SESTD1: variants seen among roughly 807,000 people sequenced by gnomAD.
The protein encoded by SESTD1 is SEC14 domain and spectrin repeat-containing protein 1.
SESTD1 carries 43 observed loss-of-function variants against 101.7 expected under a neutral mutation model. The observed-to-expected ratio is 0.42, with a 90% CI of 0.33 to 0.55. The LOEUF is 0.55. Among genes scored for constraint, SESTD1 ranks in the 20% least tolerant of loss-of-function variants. SESTD1 has a pLI of 0.07. For missense variants in SESTD1, 647 were observed against 815.1 expected, an observed-to-expected ratio of 0.79 and a Z score of 2.51; for synonymous variants, 283 against 286.8, an observed-to-expected ratio of 0.99 and a Z score of 0.13.
intron 1 of SESTD1, among the ~76,000 whole-genome samples, chr2:179,227,847 G>C (rs1009310388): frequency 6.6e-6 from 1 of 152,102 alleles, no homozygotes; most frequent in Non-Finnish European, 1.5e-5. Context: ...GATCAAATGT[G>C]AACTCTGCCG....
intron 5 of SESTD1, among the ~76,000 whole-genome samples, chr2:179,155,512 C>A (rs1301677072): frequency 6.6e-6 from 1 of 151,988 alleles, no homozygotes; most frequent in Non-Finnish European, 1.5e-5. Context: ...ACGATTTGGG[C>A]AGCCAAGGTA....
intron 1 of SESTD1, among the ~76,000 whole-genome samples, chr2:179,219,290 G>C (rs1199600446): frequency 6.6e-6 from 1 of 152,144 alleles, no homozygotes; most frequent in East Asian, 1.9e-4. Context: ...ATGTGAGTGG[G>C]TACACTAGAA....
Position 179,205,824 on chromosome 2 carries a change from C to G in SESTD1, c.-25-13958G>C, listed in dbSNP as rs1375332224. Among the ~76,000 whole-genome samples the G allele has an allele frequency of 1.7e-5, 2 of 120,862 alleles. 1 individual carries two copies. Among genetic ancestry groups the G allele is most frequent in the Non-Finnish European group, 3.2e-5 (2 of 62,570 alleles). The allele number at this position is 120,862 out of a possible 152,430, so 79.3% of individuals were successfully genotyped here. A position where few individuals can be genotyped will look rare whatever the true frequency, so the allele number is the denominator to read the frequency against. On this transcript the variant is annotated intron_variant, in intron 1 of 17. Transcript: ENST00000428443. The stretch of plus-strand genomic sequence containing the variant: ...TTGTATTTACTCTGTATCTCTTCCT[C>G]CCTTCTAGAGTCTCCTTTCCATCAA...
At chr2:179,176,880 A>G (rs565073385) in intron 3 of SESTD1, among the ~76,000 whole-genome samples, 1 of 152,362 alleles carries the variant, frequency 6.6e-6, no homozygotes, top group East Asian at 1.9e-4. Context: ...ATGGGATCAC[A>G]GTGAAGTAAG....
chr2:179,231,438 A>G (rs764181839), intron 1 of SESTD1, among the ~76,000 whole-genome samples: 1 of 152,072 alleles, frequency 6.6e-6, no homozygotes, highest in Non-Finnish European at 1.5e-5. Flanking sequence ...ATAAGAAAAC[A>G]AAGAAATGAG....
chr2:179,162,023 G>C (rs1165140687), intron 5 of SESTD1, among the ~76,000 whole-genome samples: 1 of 151,994 alleles, frequency 6.6e-6, no homozygotes, highest in African/African-American at 2.4e-5. Context: ...TTGTCTTGAG[G>C]CAAATTTATA....
intron 4 of SESTD1, among the ~76,000 whole-genome samples, chr2:179,175,969 G>A (rs766345806): frequency 6.6e-6 from 1 of 152,128 alleles, no homozygotes; most frequent in Non-Finnish European, 1.5e-5. Flanking sequence ...TAAGATCATC[G>A]TGAATCCTGA....
chr2:179,249,574 G>A (rs923863611), intron 1 of SESTD1, among the ~76,000 whole-genome samples: 1 of 152,028 alleles, frequency 6.6e-6, no homozygotes, highest in South Asian at 2.1e-4. Context: ...CTATAGAAAC[G>A]TGTCAATTCT....
intron 1 of SESTD1, among the ~76,000 whole-genome samples, chr2:179,199,137 C>T (rs901765161): frequency 6.6e-6 from 1 of 151,990 alleles, no homozygotes; most frequent in East Asian, 1.9e-4. Flanking sequence ...CCACCGATCC[C>T]ACAGAAATAC....
intron 5 of SESTD1, among the ~76,000 whole-genome samples, chr2:179,170,134 A>C (rs549090029): frequency 6.6e-6 from 1 of 152,032 alleles, no homozygotes; most frequent in Admixed American, 6.5e-5. Flanking sequence ...TGAGTAAGGC[A>C]AAGATTTCTC....
intron 10 of SESTD1, among the ~76,000 whole-genome samples, chr2:179,127,035 T>G (rs990620986): frequency 2.0e-5 from 3 of 152,212 alleles, no homozygotes; most frequent in Non-Finnish European, 2.9e-5. Flanking sequence ...TGTCCAAAAG[T>G]TTCAAATAAC....
In SESTD1 at chr2:179,123,884, T is replaced by TAATCA. The variant is rs1303673173; in HGVS notation, c.1168-56_1168-55insTGATT. 4.6e-6 allele frequency: 6 copies of TAATCA among 1,307,544 alleles called. No individual in the cohort carries two copies. In the African/African-American group the frequency reaches 8.7e-5, roughly 19 times the overall value. 81.0% of individuals were successfully genotyped at this position (1,307,544 alleles called of 1,614,324 possible). Reference sequence around the variant, plus strand: ...CCTGATGTAATCAGCATCTAAAGTGTTTAATGATTAATGAGGTTTATATCT... The same window carrying TAATCA: ...CCTGATGTAATCAGCATCTAAAGTGTAATCATTAATGATTAATGAGGTTTATATCT... On this transcript the variant is annotated intron_variant, in intron 11 of 17. Coordinates refer to ENST00000428443, the MANE Select transcript of SESTD1 (RefSeq NM_178123.5).
intron 1 of SESTD1, among the ~76,000 whole-genome samples, chr2:179,199,901 CAT>C (rs1446332240): frequency 6.6e-6 from 1 of 152,110 alleles, no homozygotes; most frequent in Admixed American, 6.5e-5. Flanking sequence ...TCCTATTCAA[CAT>C]AGTGTTGGAA....
chr2:179,121,168 AGT>A (rs2044741659), intron 13 of SESTD1, among the ~76,000 whole-genome samples: 1 of 152,224 alleles, frequency 6.6e-6, no homozygotes, highest in South Asian at 2.1e-4. Flanking sequence ...AAAATTTTTA[AGT>A]GTGCAAAATT....
chr2:179,192,060 C>A (rs1005724460), intron 1 of SESTD1, among the ~76,000 whole-genome samples, 194 bp from the exon 2 acceptor site: 6 of 152,144 alleles, frequency 3.9e-5, no homozygotes, highest in Non-Finnish European at 8.8e-5. Context: ...TCTCTACTCA[C>A]TAAAAACCAA....
At chr2:179,209,577 T>G (rs1559144734) in intron 1 of SESTD1, among the ~76,000 whole-genome samples, 1 of 134,472 alleles carries the variant, frequency 7.4e-6, no homozygotes. Context: ...TACTCAAAAC[T>G]ATACAAATAC....
intron 16 of SESTD1, 85 bp from the exon 17 acceptor site, chr2:179,112,930 A>G (rs1046475786): frequency 1.4e-6 from 2 of 1,458,552 alleles, no homozygotes; most frequent in Non-Finnish European, 1.8e-6. Flanking sequence ...ACAAAAAAAA[A>G]GAGAGAAAAG....
Position 179,108,575 on chromosome 2 carries a change from A to G in SESTD1, c.*1324T>C, listed in dbSNP as rs1278754975. Reference sequence around the variant, plus strand: ...GTCAGTCAGTGAAGAAGGCTGGAAAAACTAGCAGGTTAAAAGGGAGGGGTT... The same window carrying G: ...GTCAGTCAGTGAAGAAGGCTGGAAAGACTAGCAGGTTAAAAGGGAGGGGTT... On this transcript the variant is annotated 3_prime_UTR_variant, in exon 18 of 18. Transcript: ENST00000428443. The G allele has an allele frequency of 1.3e-5, 2 of 151,834 alleles. No individual in the cohort carries two copies. The highest frequency in any genetic ancestry group is 4.8e-5 in the African/African-American group (2 of 41,388). 9.4% of individuals were successfully genotyped at this position (151,834 alleles called of 1,614,324 possible).
rs534124801 is a variant in SESTD1, at chr2:179,156,108, GTA to G, written c.370-4719_370-4718del. On this transcript the variant is annotated intron_variant, in intron 5 of 17. Transcript: ENST00000428443. Reference sequence around the variant, plus strand: ...GGCTGAGTAGTATTCCATCATACGTGTATATATATATATGTGTGTATATACGT... The same window carrying G: ...GGCTGAGTAGTATTCCATCATACGTGTATATATATATGTGTGTATATACGT... Among the ~76,000 whole-genome samples the G allele has an allele frequency of 2.2e-3, 334 of 150,670 alleles. 6 individuals are homozygous for G. The highest frequency in any genetic ancestry group is 7.6e-3 in the African/African-American group (311 of 40,998).
Sources: gnomAD v4.1 joint callset for allele counts (sites outside exome capture counted in the v4.1 genomes callset) on GRCh38, gnomAD v4.1.1 for gene constraint, MANE v1.5 for transcripts, NCBI Gene and HGNC (gene_info 2026-07-23, HGNC 2026-07-21) for gene names.